CADPS2: variants seen among roughly 807,000 people sequenced by gnomAD.
CADPS2 encodes the protein calcium dependent secretion activator 2.
A neutral mutation model predicts 172.5 loss-of-function variants in CADPS2; 93 were observed. That is an observed-to-expected ratio of 0.54 (90% CI 0.46 to 0.64). The LOEUF (loss-of-function observed/expected upper bound fraction) is 0.64, where lower values mean the gene tolerates loss of function less well. Among genes scored for constraint, CADPS2 ranks in the 30% least tolerant of loss-of-function variants. CADPS2 has a pLI of 0.00. For synonymous variants in CADPS2, 546 were observed against 555.2 expected (o/e 0.98, Z 0.23); for missense variants, 1,420 against 1,565.9 (o/e 0.91, Z 1.57).
intron 3 of CADPS2, among the ~76,000 whole-genome samples, chr7:122,636,886 G>A (rs77355890): frequency 0.019 from 2,812 of 151,972 alleles, 37 homozygotes; most frequent in South Asian, 0.028. Flanking sequence ...AAATTTGTAC[G>A]TCCAACTCTC....
At chr7:122,480,280 G>C (rs1218000355) in intron 12 of CADPS2, among the ~76,000 whole-genome samples, 1 of 147,472 alleles carries the variant, frequency 6.8e-6, no homozygotes, top group Non-Finnish European at 1.5e-5. Context: ...TTGTCTTCCA[G>C]TAAGTTAGAT....
chr7:122,774,812 A>C (rs906222606), intron 1 of CADPS2, among the ~76,000 whole-genome samples: 2 of 152,154 alleles, frequency 1.3e-5, no homozygotes, highest in African/African-American at 2.4e-5. Context: ...ATATATATTT[A>C]ATGTATCTAA....
intron 17 of CADPS2, among the ~76,000 whole-genome samples, chr7:122,432,972 T>A (rs1411804030): frequency 6.6e-6 from 1 of 152,036 alleles, no homozygotes; most frequent in East Asian, 1.9e-4. Context: ...ATATAACTAA[T>A]ATATATAATA....
At chr7:122,707,466 A>G (rs1157080421) in intron 2 of CADPS2, among the ~76,000 whole-genome samples, 3 of 152,016 alleles carry the variant, frequency 2.0e-5, no homozygotes, top group African/African-American at 7.2e-5. Context: ...CAATAAAGCA[A>G]AACAGATAAA....
rs1487288429 is a variant in CADPS2 at position 122,462,883 on chromosome 7, G to A, written c.2186+8492C>T. ...TCATCCCAGCAATTTGGGAGGCCAA[G>A]GAGGAAGATCACTTGAGCCCAGGAG... On this transcript the variant is annotated intron_variant, in intron 14 of 29. Coordinates refer to ENST00000449022, the MANE Select transcript of CADPS2 (RefSeq NM_017954.11). 3.9e-5 allele frequency among the ~76,000 whole-genome samples: 6 copies of A among 152,164 alleles called. No individual in the cohort carries two copies. The South Asian group carries it at 1.0e-3, about 26-fold the overall frequency.
chr7:122,342,595 T>C (rs906054457), intron 28 of CADPS2, among the ~76,000 whole-genome samples: 2 of 152,140 alleles, frequency 1.3e-5, no homozygotes, highest in African/African-American at 4.8e-5. Context: ...TTGTTTTATA[T>C]AAAAATAGTG....
chr7:122,522,549 T>A (rs188871669), intron 8 of CADPS2, among the ~76,000 whole-genome samples: 1 of 152,308 alleles, frequency 6.6e-6, no homozygotes, highest in African/African-American at 2.4e-5. Flanking sequence ...CAAACATTTA[T>A]TTCTTTGTAG....
intron 7 of CADPS2, among the ~76,000 whole-genome samples, chr7:122,579,660 AAT>A (rs899907698): frequency 7.3e-5 from 11 of 151,696 alleles, no homozygotes; most frequent in African/African-American, 2.7e-4. Flanking sequence ...TTAATATAAT[AAT>A]AGTTTAAATG....
At chr7:122,569,945 G>C (rs1028625238) in intron 7 of CADPS2, among the ~76,000 whole-genome samples, 1 of 146,384 alleles carries the variant, frequency 6.8e-6, no homozygotes. Flanking sequence ...GAAAACCTAG[G>C]CAATACCATT....
intron 1 of CADPS2, among the ~76,000 whole-genome samples, chr7:122,773,026 A>G (rs533840583): frequency 6.6e-6 from 1 of 152,262 alleles, no homozygotes; most frequent in South Asian, 2.1e-4. Context: ...CAAAAAGTTA[A>G]TAACTTTATT....
intron 2 of CADPS2, among the ~76,000 whole-genome samples, chr7:122,711,773 C>T (rs1207222093): frequency 6.6e-6 from 1 of 152,026 alleles, no homozygotes; most frequent in African/African-American, 2.4e-5. Context: ...CTGCCTCAGC[C>T]CCCTGAATAG....
At chr7:122,863,158 G>A (rs978972941) in intron 1 of CADPS2, among the ~76,000 whole-genome samples, 2 of 152,036 alleles carry the variant, frequency 1.3e-5, no homozygotes, top group African/African-American at 2.4e-5. Context: ...TTTTCAAAAT[G>A]GTGAGCAATT....
At chr7:122,643,493 C>A (rs577729849) in intron 3 of CADPS2, among the ~76,000 whole-genome samples, 3 of 152,180 alleles carry the variant, frequency 2.0e-5, no homozygotes, top group Non-Finnish European at 4.4e-5. Flanking sequence ...CAGAACACAG[C>A]TGGGCCTCTC....
intron 1 of CADPS2, among the ~76,000 whole-genome samples, chr7:122,839,490 A>G (rs1179309880): frequency 3.0e-4 from 45 of 152,282 alleles, no homozygotes; most frequent in Admixed American, 7.8e-4. Context: ...GAGTGAACAG[A>G]CAACCTACAG....
At chr7:122,756,662 G>A (rs1251150501) in intron 1 of CADPS2, among the ~76,000 whole-genome samples, 1 of 152,160 alleles carries the variant, frequency 6.6e-6, no homozygotes, top group Non-Finnish European at 1.5e-5. Context: ...ACTTTGAGAG[G>A]TGGCAGTGGG....
chr7:122,388,733 C>A lies in CADPS2; in HGVS notation c.3014G>T (p.Gly1005Val). 6.3e-7 allele frequency: 1 copy of A among 1,598,608 alleles called. No homozygotes were observed. Among genetic ancestry groups the A allele is most frequent in the Non-Finnish European group, 8.5e-7 (1 of 1,169,810 alleles). Residue 1005 changes from glycine (G) to valine (V), a missense_variant, in exon 23 of 30, where the codon GGC (glycine) becomes GTC (valine). Physicochemically the swap from Gly to Val is moderately radical, Grantham distance 109. Coordinates refer to ENST00000449022, the MANE Select transcript of CADPS2 (RefSeq NM_017954.11). ...AAAAAGGTCTTCTGATGTTGCTGAG[C>A]CATTGCTAGAAGAAAAAGGAAAAAT... ...WMPSLYESTN[G>V]SATSEDLFWK...
At chr7:122,624,157 C>T (rs1202970125) in intron 4 of CADPS2, among the ~76,000 whole-genome samples, 3 of 152,276 alleles carry the variant, frequency 2.0e-5, no homozygotes, top group Admixed American at 6.5e-5. Flanking sequence ...TGTTGTCCCT[C>T]ACTGGCAAAC....
intron 2 of CADPS2, among the ~76,000 whole-genome samples, chr7:122,664,991 G>A (rs1418191083): frequency 6.8e-6 from 1 of 147,634 alleles, no homozygotes; most frequent in Non-Finnish European, 1.5e-5. Context: ...TAGATATGGG[G>A]TCTCATTTAT....
At chr7:122,339,596 TTCCGGGCAGGCCGGGCATG>T (rs1190838153) in intron 28 of CADPS2, among the ~76,000 whole-genome samples, 1 of 152,194 alleles carries the variant, frequency 6.6e-6, no homozygotes, top group African/African-American at 2.4e-5. Context: ...AGCTCAAAAG[TTCCGGGCAGGCCGGGCATG>T]GTGGCTCATG....
Sources: gnomAD v4.1 joint callset for allele counts (sites outside exome capture counted in the v4.1 genomes callset) on GRCh38, gnomAD v4.1.1 for gene constraint, MANE v1.5 for transcripts, NCBI Gene and HGNC (gene_info 2026-07-23, HGNC 2026-07-21) for gene names.